Variants in PDE4B observed in about 807,000 individuals in gnomAD.
The protein encoded by PDE4B is 3',5'-cyclic-AMP phosphodiesterase 4B.
A neutral mutation model predicts 82.2 loss-of-function variants in PDE4B; 20 were observed. The observed-to-expected ratio is 0.24, with a 90% CI of 0.17 to 0.35. The LOEUF (loss-of-function observed/expected upper bound fraction) is 0.35, where lower values mean the gene tolerates loss of function less well. Among genes scored for constraint, PDE4B ranks in the 10% least tolerant of loss-of-function variants. The pLI, the probability that PDE4B is intolerant of heterozygous loss-of-function variation, is 1.00. For missense variants in PDE4B, 655 were observed against 907.2 expected, an observed-to-expected ratio of 0.72 and a Z score of 3.57; for synonymous variants, 320 against 318.9, an observed-to-expected ratio of 1.00 and a Z score of -0.04.
chr1:66,054,138 T>C (rs900115688), intron 3 of PDE4B, among the ~76,000 whole-genome samples: 37 of 152,202 alleles, frequency 2.4e-4, no homozygotes, highest in Admixed American at 2.1e-3. Flanking sequence ...CTTGTGCTTT[T>C]ATATTTCCAT....
intron 4 of PDE4B, 135 bp downstream of exon 4, chr1:66,247,789 G>A (rs1190849086): frequency 2.8e-5 from 17 of 603,962 alleles, no homozygotes; most frequent in Non-Finnish European, 4.6e-5. Flanking sequence ...CAGGGGTGAC[G>A]TGATGACCAT....
chr1:66,367,878 CACTT>C, intron 14 of PDE4B, 28 bp downstream of exon 14: 1 of 1,612,614 alleles, frequency 6.2e-7, no homozygotes, highest in Non-Finnish European at 8.5e-7. Flanking sequence ...CTACATTCCT[CACTT>C]ACTGCCATTC....
Position 66,332,450 on chromosome 1 carries a change from G to GC in PDE4B, c.635-57dup, listed in dbSNP as rs757634781. 45 of 1,614,100 alleles carry GC rather than the reference G, an allele frequency of 2.8e-5. 1 individual carries two copies. The Admixed American group carries it at 7.3e-4, about 26-fold the overall frequency. On this transcript the variant is annotated intron_variant, in intron 7 of 16. Coordinates refer to ENST00000341517, the MANE Select transcript of PDE4B (RefSeq NM_002600.4). ...AATCAGCGGTGGTAGCGGTGACTCT[G>GC]CTATGGACAGCCTGCAGCCGCTCCA...
chr1:66,358,336 G>C (rs1223956890), intron 9 of PDE4B, among the ~76,000 whole-genome samples: 2 of 152,146 alleles, frequency 1.3e-5, no homozygotes, highest in Non-Finnish European at 2.9e-5. Flanking sequence ...TATCATTTTG[G>C]AAACAAGTCT....
intron 3 of PDE4B, among the ~76,000 whole-genome samples, chr1:66,165,913 A>G (rs1646719911): frequency 6.6e-6 from 1 of 151,998 alleles, no homozygotes. Flanking sequence ...TCATATGGAA[A>G]TGCAAGGGAC....
chr1:66,259,011 G>A (rs1654474734), intron 6 of PDE4B, among the ~76,000 whole-genome samples: 1 of 152,158 alleles, frequency 6.6e-6, no homozygotes, highest in African/African-American at 2.4e-5. Flanking sequence ...TTAAGATAAA[G>A]TTTAAATGCT....
At chr1:66,164,491 G>A (rs1646679517) in intron 3 of PDE4B, among the ~76,000 whole-genome samples, 1 of 119,656 alleles carries the variant, frequency 8.4e-6, no homozygotes. Context: ...AGCCAAGACT[G>A]TGCCACTGCA....
At chr1:66,072,010 C>T (rs1443395443) in intron 3 of PDE4B, among the ~76,000 whole-genome samples, 2 of 152,036 alleles carry the variant, frequency 1.3e-5, no homozygotes, top group African/African-American at 4.8e-5. Context: ...CTTCACAGCA[C>T]CAGTACATCT....
At chr1:65,994,935 A>G (rs918232356) in intron 3 of PDE4B, among the ~76,000 whole-genome samples, 2 of 152,104 alleles carry the variant, frequency 1.3e-5, no homozygotes, top group African/African-American at 4.8e-5. Flanking sequence ...CAATTTTAAA[A>G]TGATTAAAGA....
chr1:65,965,964 A>G (rs1047510247), intron 3 of PDE4B, among the ~76,000 whole-genome samples: 2 of 152,204 alleles, frequency 1.3e-5, no homozygotes, highest in African/African-American at 4.8e-5. Context: ...AAAAGCTACA[A>G]GCATTCCCTT....
intron 3 of PDE4B, among the ~76,000 whole-genome samples, chr1:66,206,242 C>T (rs1479296803): frequency 1.3e-5 from 2 of 152,142 alleles, no homozygotes; most frequent in African/African-American, 2.4e-5. Context: ...TTGGAATTTA[C>T]CCTACAGGAG....
At chr1:66,371,597 G>A (rs142568402) in intron 16 of PDE4B, among the ~76,000 whole-genome samples, 95 of 152,244 alleles carry the variant, frequency 6.2e-4, no homozygotes, top group East Asian at 3.9e-3. Context: ...GGAAATGACT[G>A]CGTGCTCTGT....
intron 7 of PDE4B, among the ~76,000 whole-genome samples, chr1:66,271,332 G>A (rs1021294402): frequency 7.2e-5 from 11 of 152,188 alleles, no homozygotes; most frequent in African/African-American, 1.4e-4. Flanking sequence ...AGTTGAGTCC[G>A]TTCCGTGTTG....
intron 3 of PDE4B, among the ~76,000 whole-genome samples, chr1:66,177,729 C>A (rs1031007322): frequency 3.9e-5 from 6 of 152,118 alleles, no homozygotes; most frequent in Admixed American, 1.3e-4. Context: ...ATTTTAGGAA[C>A]CTTAGTTCAA....
intron 1 of PDE4B, among the ~76,000 whole-genome samples, chr1:65,835,465 C>T (rs188864046): frequency 1.1e-4 from 17 of 152,204 alleles, no homozygotes; most frequent in African/African-American, 4.1e-4. Flanking sequence ...TTTCAAAATA[C>T]GATATCGGCA....
intron 3 of PDE4B, among the ~76,000 whole-genome samples, chr1:66,129,925 A>C (rs1645905835): frequency 6.6e-6 from 1 of 152,186 alleles, no homozygotes; most frequent in African/African-American, 2.4e-5. Context: ...TGGGCCAGCT[A>C]ATGTGAAATA....
intron 1 of PDE4B, among the ~76,000 whole-genome samples, chr1:65,807,395 T>G (rs1347974557): frequency 6.6e-6 from 1 of 152,252 alleles, no homozygotes; most frequent in Non-Finnish European, 1.5e-5. Context: ...TATGCTTTAT[T>G]GAATCCATTC....
At chr1:66,110,978 A>C (rs2101051329) in intron 3 of PDE4B, among the ~76,000 whole-genome samples, 1 of 152,212 alleles carries the variant, frequency 6.6e-6, no homozygotes, top group East Asian at 1.9e-4. Flanking sequence ...GCAGAGCTGA[A>C]GCTTACTTTG....
At chr1:66,211,094 C>G (rs947324137) in intron 3 of PDE4B, among the ~76,000 whole-genome samples, 6 of 152,152 alleles carry the variant, frequency 3.9e-5, no homozygotes, top group African/African-American at 1.4e-4. Context: ...GCAGGGTATG[C>G]CTGACTGTAA....
Sources: allele counts gnomAD v4.1 joint callset (sites outside exome capture counted in the v4.1 genomes callset), GRCh38; gene constraint gnomAD v4.1.1; transcripts MANE v1.5; gene names NCBI Gene and HGNC (gene_info 2026-07-23, HGNC 2026-07-21).